TENM2: variants seen among roughly 807,000 people sequenced by gnomAD.
The protein encoded by TENM2 is teneurin-2.
TENM2 carries 52 observed loss-of-function variants against 245.2 expected under a neutral mutation model. That is an observed-to-expected ratio of 0.21 (90% CI 0.17 to 0.27). TENM2 has a LOEUF of 0.27. Ranked by LOEUF, TENM2 falls within the 10% of genes least tolerant of loss-of-function variation. The pLI is 1.00. For synonymous variants in TENM2, 1,363 were observed against 1,438.9 expected, an observed-to-expected ratio of 0.95 and a Z score of 1.19; for missense variants, 3,046 against 3,666.8, an observed-to-expected ratio of 0.83 and a Z score of 4.37.
At chr5:168,169,560 A>G (rs966315091) in intron 13 of TENM2, among the ~76,000 whole-genome samples, 2 of 152,176 alleles carry the variant, frequency 1.3e-5, no homozygotes, top group Non-Finnish European at 2.9e-5. Context: ...CCCATCCCGT[A>G]GCCATCCAAA....
chr5:168,090,758 C>G lies in TENM2; in HGVS notation c.1700C>G (p.Thr567Ser), dbSNP rs1200374543. The change falls in exon 8 of 29, where the codon ACT becomes AGT. Residue 567 changes from threonine (T) to serine (S), a missense_variant. By Grantham distance (58) the Thr-to-Ser change is moderately conservative. This residue lies in a region of TENM2 where 2,704 missense variants were observed against 3,331.9 expected (regional missense o/e 0.81). Coordinates refer to ENST00000518659, the Ensembl canonical transcript of TENM2. Reference sequence around the variant, plus strand: ...GACAAAGAGATGGTTTCCTTCAATACTGTTGTCCTAGGTAGGTGTGGGGTC... The same window carrying G: ...GACAAAGAGATGGTTTCCTTCAATAGTGTTGTCCTAGGTAGGTGTGGGGTC... The G allele has an allele frequency of 3.1e-6, 5 of 1,613,594 alleles. No individual in the cohort carries two copies. Among genetic ancestry groups the G allele is most frequent in the Non-Finnish European group, 3.4e-6 (4 of 1,179,600 alleles).
At chr5:168,019,950 A>G (rs1297597571) in intron 5 of TENM2, among the ~76,000 whole-genome samples, 1 of 152,242 alleles carries the variant, frequency 6.6e-6, no homozygotes, top group Non-Finnish European at 1.5e-5. Context: ...AGAGCAAGGA[A>G]CAGTGGAACT....
At chr5:167,062,699 A>G in the TENM2 span, among the ~76,000 whole-genome samples, 1 of 152,218 alleles carries the variant, frequency 6.6e-6, no homozygotes, top group African/African-American at 2.4e-5. Flanking sequence ...GACACACAAG[A>G]AATGTATTAA....
At chr5:167,330,351 A>G (rs534945938) in intron 1 of TENM2, among the ~76,000 whole-genome samples, 1 of 152,276 alleles carries the variant, frequency 6.6e-6, no homozygotes, top group South Asian at 2.1e-4. Context: ...TTCTGTTTAC[A>G]TAGGGACGCT....
intron 5 of TENM2, among the ~76,000 whole-genome samples, chr5:168,003,688 C>T (rs779594495): frequency 6.6e-6 from 1 of 152,186 alleles, no homozygotes; most frequent in African/African-American, 2.4e-5. Flanking sequence ...TTCGCCACCT[C>T]ATCTTACATC....
chr5:167,814,070 A>G lies in TENM2; in HGVS notation c.503-61916A>G, dbSNP rs78398346. 7.1e-3 allele frequency among the ~76,000 whole-genome samples: 1,076 copies of G among 152,250 alleles called. 14 individuals are homozygous for G. Among genetic ancestry groups the G allele is most frequent in the African/African-American group, 0.025 (1,027 of 41,544 alleles). On this transcript the variant is annotated intron_variant, in intron 2 of 28. Transcript: ENST00000518659. ...TACCTGTGATGCTCAAGGCTAGTTCAATGAAAGCTCTTAAAAAGCCGTGCA... is the reference window on the plus strand; with the variant it reads ...TACCTGTGATGCTCAAGGCTAGTTCGATGAAAGCTCTTAAAAAGCCGTGCA...
chr5:167,075,765 G>A, the TENM2 span, among the ~76,000 whole-genome samples: 2 of 152,100 alleles, frequency 1.3e-5, no homozygotes, highest in Non-Finnish European at 2.9e-5. Context: ...AAACTCCTAC[G>A]AACTTTTAGA....
chr5:167,311,622 C>T (rs1756038540), intron 1 of TENM2, among the ~76,000 whole-genome samples: 1 of 152,084 alleles, frequency 6.6e-6, no homozygotes, highest in Admixed American at 6.6e-5. Context: ...TATAATAGTT[C>T]AGTGAACATC....
chr5:167,574,831 C>G (rs1466204806), intron 2 of TENM2, among the ~76,000 whole-genome samples: 1 of 152,032 alleles, frequency 6.6e-6, no homozygotes, highest in Admixed American at 6.6e-5. Flanking sequence ...TTTCATTGTA[C>G]GTAGCTTTTA....
At chr5:167,945,943 T>C (rs1779586932) in intron 3 of TENM2, among the ~76,000 whole-genome samples, 1 of 152,134 alleles carries the variant, frequency 6.6e-6, no homozygotes, top group Non-Finnish European at 1.5e-5. Flanking sequence ...CCCTTCTTGT[T>C]TCTCCTCCAC....
intron 9 of TENM2, among the ~76,000 whole-genome samples, chr5:168,104,920 C>T (rs1302905787): frequency 6.6e-6 from 1 of 152,128 alleles, no homozygotes; most frequent in African/African-American, 2.4e-5. Flanking sequence ...ACAGGTACTG[C>T]ACTAAGAGCC....
At chr5:167,211,936 A>T in the TENM2 span, among the ~76,000 whole-genome samples, 27 of 152,148 alleles carry the variant, frequency 1.8e-4, no homozygotes, top group African/African-American at 6.5e-4. Flanking sequence ...GAATTATATT[A>T]TTTGTCTCAT....
intron 2 of TENM2, among the ~76,000 whole-genome samples, chr5:167,674,165 C>A (rs2150358351): frequency 6.6e-6 from 1 of 152,256 alleles, no homozygotes; most frequent in East Asian, 1.9e-4. Context: ...CGTTGAATAG[C>A]TGCCTCCAGT....
exon 29 of TENM2, chr5:168,262,915 G>C: frequency 9.0e-7 from 1 of 1,113,888 alleles, no homozygotes; most frequent in Non-Finnish European, 1.3e-6. Flanking sequence ...CGGCTGGGCT[G>C]CTTTAGGAGA....
At chr5:167,105,887 CAAAAAAAAAAAAAAAAAAAAAAAAAAA>C in the TENM2 span, among the ~76,000 whole-genome samples, 8 of 48,832 alleles carry the variant, frequency 1.6e-4, no homozygotes, top group Admixed American at 9.1e-4. Flanking sequence ...GACTCCGTCT[CAAAAAAAAAAAAAAAAAAAAAAAAAAA>C]AAAAAAAAAA....
chr5:167,136,252 G>A, the TENM2 span, among the ~76,000 whole-genome samples: 1 of 152,156 alleles, frequency 6.6e-6, no homozygotes, highest in East Asian at 1.9e-4. Context: ...ATTGTGGTCT[G>A]AAACGTATAG....
chr5:166,982,794 G>C, the TENM2 span, among the ~76,000 whole-genome samples: 10 of 151,760 alleles, frequency 6.6e-5, no homozygotes, highest in Admixed American at 2.6e-4. Flanking sequence ...TTTTTTTTGG[G>C]GGGGGGAGGA....
rs1754397244 is a variant in TENM2 at position 167,288,063 on chromosome 5, T to G, written c.226+3000T>G. Among the ~76,000 whole-genome samples the G allele has an allele frequency of 3.9e-5, 6 of 152,234 alleles. No homozygotes were observed. In the South Asian group the frequency reaches 1.2e-3, roughly 32 times the overall value. ...AGGCAGTTTGTACAAGCTTGTCTTT[T>G]TTTTTGGACCCCGGAGTTAGGGTGA... On this transcript the variant is annotated intron_variant, in intron 1 of 28. Coordinates refer to ENST00000518659, the Ensembl canonical transcript of TENM2.
the TENM2 span, among the ~76,000 whole-genome samples, chr5:167,279,581 G>A: frequency 5.0e-5 from 5 of 100,754 alleles, no homozygotes; most frequent in South Asian, 1.5e-3. Context: ...TTCTTCTGTT[G>A]TATATATTGG....
Sources: gnomAD v4.1 joint callset for allele counts (sites outside exome capture counted in the v4.1 genomes callset) on GRCh38, gnomAD v4.1.1 for gene constraint, gnomAD v4.1.1 regional missense constraint, MANE v1.5 for transcripts, NCBI Gene and HGNC (gene_info 2026-07-23, HGNC 2026-07-21) for gene names.